The following CXADR variants were observed in gnomAD, a reference collection of about 807,000 sequenced individuals.
CXADR encodes coxsackievirus and adenovirus receptor.
Under a neutral mutation model 40.3 loss-of-function variants are expected in CXADR, and 20 were observed. The ratio of observed to expected loss-of-function variants is 0.50; its 90% confidence interval spans 0.35 to 0.72. The LOEUF (loss-of-function observed/expected upper bound fraction) is 0.72. CXADR is among the 30% of genes least tolerant of loss of function. The pLI is 0.01. For missense variants in CXADR, 332 were observed against 449.1 expected, an observed-to-expected ratio of 0.74 and a Z score of 2.36; for synonymous variants, 150 against 161.3, an observed-to-expected ratio of 0.93 and a Z score of 0.53.
rs62239917 is a variant in CXADR, at chr21:17,565,217, C to T, written c.834-211C>T. ...AAGTGTGAAGTTATAACTCTTTAAT[C>T]AGAATGACAGATTGGAGACATACAC... On this transcript the variant is annotated intron_variant, in intron 6 of 6. Transcript: ENST00000284878. Among the ~76,000 whole-genome samples, 820 of 152,150 alleles carry T rather than the reference C, an allele frequency of 5.4e-3. 9 individuals carry two copies. Among genetic ancestry groups the T allele is most frequent in the Non-Finnish European group, 8.1e-3 (553 of 68,002 alleles).
chr21:17,571,348 T>C (rs1601042555), downstream of CXADR, among the ~76,000 whole-genome samples: 1 of 152,212 alleles, frequency 6.6e-6, no homozygotes, highest in Non-Finnish European at 1.5e-5. Context: ...CCTTGATAGC[T>C]GGGATGCTGA....
chr21:17,534,100 A>ATTTTTT (rs1157117899), intron 1 of CXADR, among the ~76,000 whole-genome samples: 18 of 60,070 alleles, frequency 3.0e-4, no homozygotes, highest in African/African-American at 1.2e-3. Flanking sequence ...ATATATATAT[A>ATTTTTT]TTTTTTTTTT....
At chr21:17,608,942 G>C in the CXADR span, 1 of 1,597,212 alleles carries the variant, frequency 6.3e-7, no homozygotes, top group African/African-American at 1.4e-5. Context: ...GGGTTGATCA[G>C]CCTCTGCTTA....
chr21:17,588,316 G>A (rs967330740), intron 7 of CXADR, among the ~76,000 whole-genome samples: 11 of 152,076 alleles, frequency 7.2e-5, no homozygotes, highest in African/African-American at 2.2e-4. Context: ...TCTATAAATT[G>A]CCTTGGGCAG....
At chr21:17,524,671 A>G (rs1262457689) in intron 1 of CXADR, among the ~76,000 whole-genome samples, 3 of 151,062 alleles carry the variant, frequency 2.0e-5, no homozygotes, top group Non-Finnish European at 4.4e-5. Flanking sequence ...GAGGTGGGAG[A>G]ATCACTTGAG....
chr21:17,600,307 G>A, the CXADR span, among the ~76,000 whole-genome samples: 973 of 152,094 alleles, frequency 6.4e-3, 58 homozygotes, highest in East Asian at 0.13. Context: ...ATTGTTAAGC[G>A]GTTCTTACAA....
chr21:17,523,895 G>A (rs546185904), intron 1 of CXADR, among the ~76,000 whole-genome samples: 2 of 152,010 alleles, frequency 1.3e-5, no homozygotes, highest in South Asian at 2.1e-4. Context: ...GTCTTGCTCT[G>A]TCGCCCAGGC....
chr21:17,543,927 C>A (rs1217672003), intron 1 of CXADR, among the ~76,000 whole-genome samples: 2 of 152,020 alleles, frequency 1.3e-5, no homozygotes, highest in African/African-American at 2.4e-5. Flanking sequence ...CTTTGGGAGG[C>A]AAAGGCAGGA....
At chr21:17,532,848 A>C (rs926730017) in intron 1 of CXADR, among the ~76,000 whole-genome samples, 6 of 152,180 alleles carry the variant, frequency 3.9e-5, no homozygotes, top group Non-Finnish European at 5.9e-5. Flanking sequence ...TTTAATCTTC[A>C]TTTTAGAGAG....
chr21:17,602,285 C>T, the CXADR span, among the ~76,000 whole-genome samples: 11 of 152,164 alleles, frequency 7.2e-5, no homozygotes, highest in Non-Finnish European at 8.8e-5. Flanking sequence ...AACTATATGG[C>T]ACTCTTTGTA....
At chr21:17,576,823 C>A (rs2061325333) in intron 7 of CXADR, 2 of 152,190 alleles carry the variant, frequency 1.3e-5, no homozygotes. Context: ...AGTGAGTTAT[C>A]TCCATTAAAT....
At chr21:17,527,800 T>TTTTATTTA (rs199779900) in intron 1 of CXADR, among the ~76,000 whole-genome samples, 2 of 151,548 alleles carry the variant, frequency 1.3e-5, no homozygotes, top group African/African-American at 4.9e-5. Context: ...ATTTTTTTAT[T>TTTTATTTA]TTTATTTATT....
chr21:17,578,952 C>G (rs1217379846), intron 7 of CXADR, among the ~76,000 whole-genome samples: 1 of 152,092 alleles, frequency 6.6e-6, no homozygotes, highest in East Asian at 1.9e-4. Context: ...CTCCCCACAT[C>G]CCCCCTTCAC....
intron 1 of CXADR, among the ~76,000 whole-genome samples, chr21:17,535,875 G>A (rs2060748601): frequency 6.6e-6 from 1 of 152,076 alleles, no homozygotes; most frequent in Non-Finnish European, 1.5e-5. Context: ...GGGCATGGTG[G>A]CGTGCACCTG....
At position 17,568,003 on chromosome 21, in the gene CXADR, C is replaced by T. The variant is rs2061233763; in HGVS notation, c.*2311C>T. 1.0e-6 allele frequency: 1 copy of T among 984,942 alleles called. No individual in the cohort carries two copies. The highest frequency in any genetic ancestry group is 4.7e-5 in the South Asian group (1 of 21,276). The allele number at this position is 984,942 out of a possible 1,614,324, so 61.0% of individuals were successfully genotyped here. ...TACCAATACGTTTTCAAGTAGTTCT[C>T]ACTGATAATTTAGTTGAACCAGAGA... On this transcript the variant is annotated 3_prime_UTR_variant, in exon 7 of 7. Coordinates refer to ENST00000284878, the MANE Select transcript of CXADR (RefSeq NM_001338.5).
intron 7 of CXADR, among the ~76,000 whole-genome samples, chr21:17,578,745 C>T (rs991912057): frequency 6.6e-6 from 1 of 152,186 alleles, no homozygotes; most frequent in African/African-American, 2.4e-5. Context: ...GGGAGGATTG[C>T]TTGAGCCCCA....
At chr21:17,515,589 A>T (rs1199662895) in intron 1 of CXADR, among the ~76,000 whole-genome samples, 1 of 152,198 alleles carries the variant, frequency 6.6e-6, no homozygotes, top group Non-Finnish European at 1.5e-5. Flanking sequence ...AGGCGGGCAG[A>T]TCATGAGGTT....
intron 4 of CXADR, among the ~76,000 whole-genome samples, 180 bp from the exon 5 acceptor site, chr21:17,560,522 T>G (rs1210886064): frequency 6.6e-6 from 1 of 152,220 alleles, no homozygotes; most frequent in Non-Finnish European, 1.5e-5. Flanking sequence ...ACATGTGAAC[T>G]GGAAGCATGA....
chr21:17,613,767 TTGAG>T, the CXADR span: 1 of 152,186 alleles, frequency 6.6e-6, no homozygotes. Context: ...ACCTTTTATA[TTGAG>T]TTAACACCAT....
Sources: allele counts gnomAD v4.1 joint callset (sites outside exome capture counted in the v4.1 genomes callset), GRCh38; gene constraint gnomAD v4.1.1; transcripts MANE v1.5; gene names NCBI Gene and HGNC (gene_info 2026-07-23, HGNC 2026-07-21).